ZNF320: variants seen among roughly 807,000 people sequenced by gnomAD.
ZNF320 encodes zinc finger protein 320.
In ZNF320, 2 loss-of-function variants were observed where a neutral mutation model predicts 6.8. The ratio of observed to expected loss-of-function variants is 0.29; its 90% CI spans 0.12 to 0.93. The LOEUF (loss-of-function observed/expected upper bound fraction) is 0.93. ZNF320 is among the 40% of genes least tolerant of loss of function. The pLI is 0.55. For missense variants in ZNF320, 472 were observed against 611.0 expected (o/e 0.77, Z 2.40); for synonymous variants, 208 against 203.2 (o/e 1.02, Z -0.20).
chr19:52,892,646 CCTT>C (rs1309251777), intron 2 of ZNF320, among the ~76,000 whole-genome samples: 2 of 152,120 alleles, frequency 1.3e-5, no homozygotes, highest in Non-Finnish European at 2.9e-5. Flanking sequence ...TCTTGCTGCT[CCTT>C]CTCCCCAATC....
intron 5 of ZNF320, among the ~76,000 whole-genome samples, chr19:52,884,528 G>A (rs148440655): frequency 1.5e-3 from 232 of 152,256 alleles, no homozygotes; most frequent in African/African-American, 5.5e-3. Flanking sequence ...ATATTGGCCA[G>A]GCTTGTCTTG....
the ZNF320 span, among the ~76,000 whole-genome samples, chr19:52,902,772 T>C: frequency 2.5e-4 from 38 of 152,216 alleles, 1 homozygote; most frequent in African/African-American, 9.2e-4. Flanking sequence ...TGTTTGACCA[T>C]AAGGTTAGAT....
intron 5 of ZNF320, among the ~76,000 whole-genome samples, chr19:52,867,542 G>T (rs1295257312): frequency 6.6e-6 from 1 of 151,988 alleles, no homozygotes; most frequent in Admixed American, 6.6e-5. Flanking sequence ...TGCAGATGTG[G>T]CATTTGAGAT....
At chr19:52,862,708 A>G in exon 6 of ZNF320, 1 of 519,552 alleles carries the variant, frequency 1.9e-6, no homozygotes. Context: ...TATGTTCTGC[A>G]AGGAGTGAAT....
chr19:52,888,802 TG>T (rs1248882582), intron 4 of ZNF320, among the ~76,000 whole-genome samples: 10 of 152,214 alleles, frequency 6.6e-5, no homozygotes, highest in African/African-American at 2.4e-4. Flanking sequence ...AATATATACG[TG>T]TGTGTACATA....
exon 6 of ZNF320, chr19:52,863,987 A>G: frequency 2.2e-6 from 1 of 448,862 alleles, no homozygotes; most frequent in African/African-American, 2.1e-5. Flanking sequence ...AAAAGCCAAG[A>G]TACACAAGGA....
At chr19:52,903,758 C>T in the ZNF320 span, among the ~76,000 whole-genome samples, 2 of 151,956 alleles carry the variant, frequency 1.3e-5, no homozygotes, top group African/African-American at 4.8e-5. Flanking sequence ...ATACTCACCA[C>T]AAGAATGGGT....
intron 5 of ZNF320, chr19:52,865,522 CAT>C (rs1273231909): frequency 3.8e-5 from 5 of 133,274 alleles, no homozygotes; most frequent in African/African-American, 1.5e-4. Context: ...ATATATTATA[CAT>C]ATATATTTAT....
At chr19:52,901,555 T>A (rs1362077971), upstream of ZNF320, among the ~76,000 whole-genome samples, 1 of 152,196 alleles carries the variant, frequency 6.6e-6, no homozygotes, top group African/African-American at 2.4e-5. Flanking sequence ...TAGAATAAAC[T>A]GAGTCCAGCA....
intron 4 of ZNF320, 70 bp downstream of exon 4, chr19:52,890,171 T>A (rs1399644493): frequency 2.5e-6 from 4 of 1,588,286 alleles, no homozygotes; most frequent in Non-Finnish European, 3.4e-6. Context: ...TAAGAGAAGA[T>A]TCCCAACTCC....
At chr19:52,876,043 C>T (rs2063759473), downstream of ZNF320, 1 of 152,124 alleles carries the variant, frequency 6.6e-6, no homozygotes, top group Non-Finnish European at 1.5e-5. Flanking sequence ...GAACAAGGTT[C>T]CAGGCCAATC....
intron 5 of ZNF320, among the ~76,000 whole-genome samples, chr19:52,883,127 C>T (rs1384644114): frequency 6.6e-6 from 1 of 151,936 alleles, no homozygotes; most frequent in South Asian, 2.1e-4. Flanking sequence ...CTGCAACCTC[C>T]GCCTCCTGGG....
intron 5 of ZNF320, among the ~76,000 whole-genome samples, chr19:52,886,217 C>G (rs961041402): frequency 1.3e-5 from 2 of 152,076 alleles, no homozygotes; most frequent in Admixed American, 6.6e-5. Flanking sequence ...TCACTGCAAC[C>G]TCCACCTCCC....
intron 5 of ZNF320, chr19:52,883,677 A>C: frequency 2.2e-6 from 1 of 450,112 alleles, no homozygotes; most frequent in Non-Finnish European, 4.5e-6. Flanking sequence ...AGTCGGGTGG[A>C]TCATGAGGTC....
chr19:52,886,099 AAGAAGT>A (rs1458087197), intron 5 of ZNF320, among the ~76,000 whole-genome samples: 1 of 147,228 alleles, frequency 6.8e-6, no homozygotes, highest in East Asian at 2.1e-4. Context: ...TCTACTGGAG[AAGAAGT>A]AGTTTTTGTA....
At position 52,890,285 on chromosome 19, in the gene ZNF320, T is replaced by G; in HGVS notation, c.-30A>C. On this transcript the variant is annotated 5_prime_UTR_variant, in exon 4 of 6. Coordinates refer to ENST00000682928, the MANE Select transcript of ZNF320 (RefSeq NM_001351774.2). Reference sequence around the variant, plus strand: ...GACTCCTTTGCTTTCCTCTTCCTCTTCTGGGTTTCTTCCTCAGGTACCAAG... The same window carrying G: ...GACTCCTTTGCTTTCCTCTTCCTCTGCTGGGTTTCTTCCTCAGGTACCAAG... 6.2e-7 allele frequency: 1 copy of G among 1,605,140 alleles called. No individual in the cohort carries two copies. The highest frequency in any genetic ancestry group is 1.7e-4 in the Middle Eastern group (1 of 6,028).
rs376274934 is a variant in ZNF320 at position 52,869,040 on chromosome 19, A to G, written c.224-4881T>C. On this transcript the variant is annotated intron_variant, in intron 5 of 5. Transcript: ENST00000673631. ...TGTATCATGTGAGGCAAGGCCAGGA[A>G]AGGAAGGGCAAGGGTGGAGAGCAGG... Among the ~76,000 whole-genome samples the G allele has an allele frequency of 1.7e-4, 26 of 152,244 alleles. 1 individual carries two copies. The East Asian group carries it at 3.9e-3, about 23-fold the overall frequency.
rs997329132 is a variant in ZNF320 at position 52,879,658 on chromosome 19, C to A, written c.*938G>T. The A allele has an allele frequency of 6.6e-6, 1 of 152,160 alleles. No homozygotes were observed. The highest frequency in any genetic ancestry group is 2.4e-5 in the African/African-American group (1 of 41,434). The allele number at this position is 152,160 out of a possible 1,614,324, so 9.4% of individuals were successfully genotyped here. On this transcript the variant is annotated 3_prime_UTR_variant, in exon 6 of 6. Coordinates refer to ENST00000682928, the MANE Select transcript of ZNF320 (RefSeq NM_001351774.2). ...CAGAAAGAAAGAAGTAAAACTATTT[C>A]TTTGTAGATGACATGATCTTCTGTG...
Position 52,868,768 on chromosome 19 carries a change from G to A in ZNF320, c.224-4609C>T, listed in dbSNP as rs148657989. On this transcript the variant is annotated intron_variant, in intron 5 of 5. Transcript: ENST00000673631. The stretch of plus-strand genomic sequence containing the variant: ...TACTACAAGGGGGATACAAGCAAGG[G>A]CTGAGCTGGGACACAAGCGCTGAGC... Among the ~76,000 whole-genome samples, 20 of 152,258 alleles carry A rather than the reference G, an allele frequency of 1.3e-4. No homozygotes were observed. The East Asian group carries it at 3.3e-3, about 25-fold the overall frequency.
Sources: gnomAD v4.1 joint callset for allele counts (sites outside exome capture counted in the v4.1 genomes callset) on GRCh38, gnomAD v4.1.1 for gene constraint, MANE v1.5 for transcripts, NCBI Gene and HGNC (gene_info 2026-07-23, HGNC 2026-07-21) for gene names.